Variants in SPRED3 observed in about 807,000 individuals in gnomAD.
The protein encoded by SPRED3 is sprouty related EVH1 domain containing 3, also known as sprouty-related, EVH1 domain-containing protein 3.
SPRED3 carries 23 observed loss-of-function variants against 37.6 expected under a neutral mutation model. The observed-to-expected ratio is 0.61, with a 90% confidence interval of 0.44 to 0.87. SPRED3 has a LOEUF of 0.87. Ranked by LOEUF, SPRED3 falls within the 40% of genes least tolerant of loss-of-function variation. SPRED3 has a pLI of 0.00. For missense variants in SPRED3, 584 were observed against 618.6 expected, an observed-to-expected ratio of 0.94 and a Z score of 0.59; for synonymous variants, 302 against 279.6, an observed-to-expected ratio of 1.08 and a Z score of -0.80.
In SPRED3 at chr19:38,392,272, C is replaced by A. The variant is rs750222944; in HGVS notation, c.407C>A (p.Thr136Asn). 1.3e-6 allele frequency: 2 copies of A among 1,573,564 alleles called. No individual in the cohort carries two copies. Among genetic ancestry groups the A allele is most frequent in the Admixed American group, 1.9e-5 (1 of 52,786 alleles). The stretch of plus-strand genomic sequence containing the variant: ...TCTCCTTCCCAGGATACTGCAGAGA[C>A]CCCCTGCCCTCTGACGGTGAGTGTC... ...SSSPSQDTAE[T>N]PCPLTSHVDS... is the part of the protein sequence containing the mutation. The change falls in exon 4 of 6, where the codon ACC becomes AAC. Residue 136 changes from threonine (T) to asparagine (N), a missense_variant. Physicochemically the swap from Thr to Asn is moderately conservative, Grantham distance 65. Coordinates refer to ENST00000691638, the MANE Select transcript of SPRED3 (RefSeq NM_001394336.1).
rs2145153982 is a variant in SPRED3 at position 38,392,031 on chromosome 19, A to G, written c.263A>G (p.Lys88Arg). Residue 88 changes from lysine to arginine, a missense_variant, in exon 3 of 6, where the codon AAG (lysine) becomes AGG (arginine). Lys to Arg is a conservative substitution (Grantham distance 26). Transcript: ENST00000691638. Reference sequence around the variant, plus strand: ...CACCACTGGAGCCTGGGTGACTGCAAGTTTGGACTGACGTTTCAGAGCCCT... The same window carrying G: ...CACCACTGGAGCCTGGGTGACTGCAGGTTTGGACTGACGTTTCAGAGCCCT... ...IFHHWSLGDC[K>R]FGLTFQSPAE... 6.2e-7 allele frequency: 1 copy of G among 1,614,170 alleles called. No homozygotes were observed. The highest frequency in any genetic ancestry group is 8.5e-7 in the Non-Finnish European group (1 of 1,180,030).
chr19:38,394,379 C>T, intron 4 of SPRED3: 1 of 1,586,184 alleles, frequency 6.3e-7, no homozygotes, highest in Admixed American at 1.7e-5. Context: ...GTACTTCAGG[C>T]ATATGCTGTG....
In SPRED3 at chr19:38,392,077, G is replaced by A; in HGVS notation, c.309G>A (p.Gln103=). 1 of 1,614,238 alleles carries A rather than the reference G, an allele frequency of 6.2e-7. No homozygotes were observed. The highest frequency in any genetic ancestry group is 8.5e-7 in the Non-Finnish European group (1 of 1,180,048). ...FQSPAEADEF[Q]KSLLAALAAL... The stretch of plus-strand genomic sequence containing the variant: ...GCCCTGCAGAGGCTGATGAGTTCCA[G>A]AAGAGCCTGCTGGCTGCGCTGGCCG... Residue 103 remains glutamine (Q), a synonymous_variant, in exon 3 of 6, where the codon CAG becomes CAA. Transcript: ENST00000691638.
chr19:38,394,209 C>T, intron 4 of SPRED3: 5 of 1,251,422 alleles, frequency 4.0e-6, no homozygotes, highest in Non-Finnish European at 5.3e-6. Context: ...GCCCCAATAA[C>T]AGTGTGGGGC....
Position 38,395,569 on chromosome 19 carries a change from C to T in SPRED3, c.657C>T (p.Gly219=), listed in dbSNP as rs1260130544. The part of the protein sequence containing the change: ...GAGGLGWGGR[G]YEDYRRSGPP... ...GGGGCCTGGGGTGGGGCGGCCGCGG[C>T]TACGAGGATTACCGGCGCTCCGGGC... Residue 219 remains glycine, a synonymous_variant, in exon 6 of 6, where the codon GGC becomes GGT. Coordinates refer to ENST00000691638, the MANE Select transcript of SPRED3 (RefSeq NM_001394336.1). This position sits in a 1 kb window ranked among gnomAD's most constrained non-coding sequence, Gnocchi z 5.2. 1.6e-5 allele frequency: 25 copies of T among 1,555,320 alleles called. No individual in the cohort carries two copies. The highest frequency in any genetic ancestry group is 1.9e-5 in the Non-Finnish European group (22 of 1,153,690).
Position 38,396,004 on chromosome 19 carries a change from C to G in SPRED3, c.1092C>G (p.Ala364=), listed in dbSNP as rs1410751936. The part of the protein sequence containing the change: ...CACEPGHPRP[A]ARWAALAALS... ...GCGAGCCGGGCCACCCGCGCCCCGC[C>G]GCGCGCTGGGCCGCGCTGGCCGCGC... Residue 364 remains alanine (A), a synonymous_variant, in exon 6 of 6, where the codon GCC becomes GCG. Coordinates refer to ENST00000691638, the MANE Select transcript of SPRED3 (RefSeq NM_001394336.1). The G allele has an allele frequency of 7.1e-7, 1 of 1,416,160 alleles. No homozygotes were observed. 87.7% of individuals were successfully genotyped at this position (1,416,160 alleles called of 1,614,324 possible).
chr19:38,391,614 G>A (rs139645884), intron 2 of SPRED3, among the ~76,000 whole-genome samples: 4 of 152,138 alleles, frequency 2.6e-5, no homozygotes, highest in East Asian at 1.9e-4. Context: ...AAAATTGGGC[G>A]TAGCTGGGTG....
chr19:38,389,971 A>C (rs1434825114), intron 1 of SPRED3: 2 of 164,880 alleles, frequency 1.2e-5, no homozygotes, highest in Admixed American at 1.0e-4. Flanking sequence ...AGGGGGTGAT[A>C]GGGATAAGCA....
intron 5 of SPRED3, 143 bp downstream of exon 5, chr19:38,394,929 A>G: frequency 3.2e-6 from 4 of 1,240,302 alleles, no homozygotes; most frequent in Non-Finnish European, 3.2e-6. Flanking sequence ...ACTGGGAGAA[A>G]GCGGCGGGGA....
intron 1 of SPRED3, 124 bp from the exon 2 acceptor site, chr19:38,390,175 G>A: frequency 3.2e-6 from 3 of 938,318 alleles, no homozygotes; most frequent in Admixed American, 7.6e-5. Context: ...AGCTTAGGGT[G>A]CAGTGGACCT....
In SPRED3 at chr19:38,395,279, T is replaced by C. The variant is rs1180574228; in HGVS notation, c.568-201T>C. ...AGGACAGGACTAGGAACCTTCGGCC[T>C]CTGGGTCCTTAAAGGTGTGGGGTTG... On this transcript the variant is annotated intron_variant, in intron 5 of 5. Transcript: ENST00000691638. The surrounding 1 kb of genome is among the most constrained non-coding windows in gnomAD (Gnocchi z 5.2). Among the ~76,000 whole-genome samples, 2 of 152,114 alleles carry C rather than the reference T, an allele frequency of 1.3e-5. No homozygotes were observed. The highest frequency in any genetic ancestry group is 2.4e-5 in the African/African-American group (1 of 41,426).
At position 38,396,175 on chromosome 19, in the gene SPRED3, C is replaced by G; in HGVS notation, c.*30C>G. On this transcript the variant is annotated 3_prime_UTR_variant, in exon 6 of 6. Transcript: ENST00000691638. Reference sequence around the variant, plus strand: ...GGCCTGGTGGGTCCCCTAGCCGGCCCGAGGACCCAAAATTGAGGGTCCAGG... The same window carrying G: ...GGCCTGGTGGGTCCCCTAGCCGGCCGGAGGACCCAAAATTGAGGGTCCAGG... The G allele has an allele frequency of 8.0e-7, 1 of 1,244,682 alleles. No homozygotes were observed. Among genetic ancestry groups the G allele is most frequent in the Non-Finnish European group, 1.0e-6 (1 of 994,644 alleles). The allele number at this position is 1,244,682 out of a possible 1,614,324, so 77.1% of individuals were successfully genotyped here.
chr19:38,398,620 G>A lies in SPRED3; in HGVS notation c.*2475G>A, dbSNP rs1475809348. ...ACTGAGTCTCTTCTGTGCAAAGGGG[G>A]GTGCCACAGGCTTTTTTCCCCCAAG... On this transcript the variant is annotated 3_prime_UTR_variant, in exon 6 of 6. Transcript: ENST00000691638. 6.6e-6 allele frequency: 1 copy of A among 152,172 alleles called. No homozygotes were observed. Among genetic ancestry groups the A allele is most frequent in the Non-Finnish European group, 1.5e-5 (1 of 68,044 alleles). 9.4% of individuals were successfully genotyped at this position (152,172 alleles called of 1,614,324 possible). A position where few individuals can be genotyped will look rare whatever the true frequency, so the allele number is the denominator to read the frequency against.
In SPRED3 at chr19:38,391,972, A is replaced by G; in HGVS notation, c.204A>G (p.Pro68=). 6.2e-7 allele frequency: 1 copy of G among 1,614,150 alleles called. No individual in the cohort carries two copies. The highest frequency in any genetic ancestry group is 8.5e-7 in the Non-Finnish European group (1 of 1,180,018). The change falls in exon 3 of 6, where the codon CCA becomes CCG. Residue 68 remains proline, a synonymous_variant. Transcript: ENST00000691638. The part of the protein sequence containing the change: ...QKTTLECTLK[P]GLVYNKVNPI... ...CAACCTTGGAGTGTACACTGAAGCCAGGCTTGGTTTACAACAAGGTGAATC... is the reference window on the plus strand; with the variant it reads ...CAACCTTGGAGTGTACACTGAAGCCGGGCTTGGTTTACAACAAGGTGAATC...
intron 1 of SPRED3, 117 bp downstream of exon 1, chr19:38,388,924 G>A: frequency 2.5e-6 from 1 of 394,106 alleles, no homozygotes; most frequent in African/African-American, 2.1e-5. Flanking sequence ...GCCCCGGCTA[G>A]GAGGACTAGA....
Position 38,395,701 on chromosome 19 carries a change from C to A in SPRED3, c.789C>A (p.Thr263=), listed in dbSNP as rs763473099. 3 of 1,467,686 alleles carry A rather than the reference C, an allele frequency of 2.0e-6. No homozygotes were observed. The highest frequency in any genetic ancestry group is 1.5e-5 in the African/African-American group (1 of 67,750). 90.9% of individuals were successfully genotyped at this position (1,467,686 alleles called of 1,614,324 possible). A position where few individuals can be genotyped will look rare whatever the true frequency, so the allele number is the denominator to read the frequency against. Residue 263 remains threonine, a synonymous_variant, in exon 6 of 6, where the codon ACC becomes ACA. Transcript: ENST00000691638. This position sits in a 1 kb window ranked among gnomAD's most constrained non-coding sequence, Gnocchi z 5.2. ...GPPAALPAPL[T]EAAPPAPPAR... is the part of the protein sequence containing the mutation. ...CAGCGGCACTACCTGCCCCTTTGAC[C>A]GAGGCTGCGCCCCCAGCGCCCCCCG...
rs1568395560 is a variant in SPRED3 at position 38,392,195 on chromosome 19, C to T, written c.347-17C>T. ...TGGGCTCAAGGAACTCACTCTCTGC[C>T]TCTCTCCCTGCCCCAGGCTCACTCA... On this transcript the variant is annotated splice_polypyrimidine_tract_variant and intron_variant, in intron 3 of 5. Coordinates refer to ENST00000691638, the MANE Select transcript of SPRED3 (RefSeq NM_001394336.1). 6.2e-7 allele frequency: 1 copy of T among 1,602,794 alleles called. No homozygotes were observed. The highest frequency in any genetic ancestry group is 2.2e-5 in the East Asian group (1 of 44,754).
At position 38,394,772 on chromosome 19, in the gene SPRED3, C is replaced by G; in HGVS notation, c.553C>G (p.Arg185Gly). The change falls in exon 5 of 6, where the codon CGC (arginine) becomes GGC (glycine). Residue 185 changes from arginine to glycine, a missense_variant. By Grantham distance (125) the Arg-to-Gly change is moderately radical. Transcript: ENST00000691638. Reference protein sequence around the residue: ...FGPTTPPQRRRSSAQSYPPLL... With the variant: ...FGPTTPPQRRGSSAQSYPPLL... ...GCCGACCACGCCCCCCCAGCGCCGC[C>G]GCTCCTCCGCTCAGGTGCGACCTGG... The G allele has an allele frequency of 2.5e-6, 4 of 1,571,182 alleles. No homozygotes were observed. The highest frequency in any genetic ancestry group is 1.2e-5 in the South Asian group (1 of 86,110).
intron 1 of SPRED3, among the ~76,000 whole-genome samples, chr19:38,389,036 C>T (rs966468037): frequency 6.6e-6 from 1 of 152,166 alleles, no homozygotes; most frequent in Non-Finnish European, 1.5e-5. Flanking sequence ...AAAATTCCGT[C>T]CTGGACCCTC....
Sources: gnomAD v4.1 joint callset for allele counts (sites outside exome capture counted in the v4.1 genomes callset) on GRCh38, gnomAD v4.1.1 for gene constraint, Gnocchi (gnomAD v3.1) non-coding constraint, MANE v1.5 for transcripts, NCBI Gene and HGNC (gene_info 2026-07-23, HGNC 2026-07-21) for gene names.